The following CA3 variants were observed in gnomAD, a reference collection of about 807,000 sequenced individuals.
CA3 encodes carbonic anhydrase 3.
CA3 carries 30 observed loss-of-function variants against 35.7 expected under a neutral mutation model. That is an observed-to-expected ratio of 0.84 (90% confidence interval 0.63 to 1.14). The LOEUF (loss-of-function observed/expected upper bound fraction) is 1.14, where lower values mean the gene tolerates loss of function less well. Ranked by LOEUF, CA3 falls within the 50% of genes most tolerant of loss-of-function variation. The probability of loss-of-function intolerance (pLI) is 0.00; values close to 1 mark genes in which losing one functional copy is unlikely to be tolerated. For missense variants in CA3, 295 were observed against 328.5 expected (o/e 0.90, Z 0.79); for synonymous variants, 131 against 130.8 (o/e 1.00, Z -0.01).
Position 85,444,066 on chromosome 8 carries a change from C to A in CA3, c.384C>A (p.Asn128Lys). ...LHLVHWNPKY[N>K]TFKEALKQRD... Reference sequence around the variant, plus strand: ...TGGTTCACTGGAACCCGAAGTATAACACTTTTAAAGAAGCCCTGAAGCAGC... The same window carrying A: ...TGGTTCACTGGAACCCGAAGTATAAAACTTTTAAAGAAGCCCTGAAGCAGC... The change falls in exon 4 of 7, where the codon AAC becomes AAA. Residue 128 changes from asparagine to lysine, a missense_variant. By Grantham distance (94) the Asn-to-Lys change is moderately conservative. Transcript: ENST00000285381. 4.3e-6 allele frequency: 7 copies of A among 1,613,668 alleles called. No individual in the cohort carries two copies. The highest frequency in any genetic ancestry group is 5.9e-6 in the Non-Finnish European group (7 of 1,179,566).
intron 4 of CA3, 96 bp from the exon 5 acceptor site, chr8:85,445,060 A>T (rs1415396884): frequency 1.4e-6 from 1 of 701,434 alleles, no homozygotes; most frequent in Non-Finnish European, 2.5e-6. Flanking sequence ...ATTTATAAAC[A>T]CTAGTTGCAG....
At chr8:85,443,964 T>C (rs1811241790) in intron 3 of CA3, 70 bp from the exon 4 acceptor site, 1 of 1,062,288 alleles carries the variant, frequency 9.4e-7, no homozygotes, top group Non-Finnish European at 1.5e-6. Flanking sequence ...ATTGGGTTTA[T>C]TGTGGATAAT....
intron 2 of CA3, among the ~76,000 whole-genome samples, chr8:85,441,365 A>G (rs924477707): frequency 2.0e-5 from 3 of 152,180 alleles, no homozygotes. Context: ...TTAATCATCC[A>G]CATTGATTGG....
intron 1 of CA3, 144 bp downstream of exon 1, chr8:85,439,087 C>A: frequency 2.6e-6 from 2 of 768,452 alleles, no homozygotes; most frequent in Non-Finnish European, 4.2e-6. Flanking sequence ...GGCTTTTCAA[C>A]TGCCAAATGC....
chr8:85,442,528 T>C, intron 3 of CA3: 1 of 213,840 alleles, frequency 4.7e-6, no homozygotes, highest in Non-Finnish European at 9.6e-6. Context: ...GCCTGGGCAA[T>C]ATGGTGAAAC....
chr8:85,439,073 C>T, intron 1 of CA3, 130 bp downstream of exon 1: 1 of 907,270 alleles, frequency 1.1e-6, no homozygotes, highest in Non-Finnish European at 1.7e-6. Flanking sequence ...CTAACATTTA[C>T]TGAGGCTTTT....
intron 5 of CA3, among the ~76,000 whole-genome samples, 187 bp from the exon 6 acceptor site, chr8:85,445,955 A>G (rs967903248): frequency 1.3e-5 from 2 of 152,256 alleles, no homozygotes; most frequent in Middle Eastern, 3.2e-3. Context: ...TGTCAGATCA[A>G]GTAATAATGT....
Position 85,448,151 on chromosome 8 carries a change from T to C in CA3, c.781T>C (p.Ter261ArgextTer37). ...CAGGGTGGTGAGAGCTTCCTTCAAA[T>C]GAGGCTGCTGGATCTTGCCCTCTTC... ...NNRVVRASFK* is the reference protein window; with the variant it reads ...NNRVVRASFKR Residue 261 changes from the stop codon to arginine (R), a stop_lost, in exon 7 of 7, where the codon TGA becomes CGA. Coordinates refer to ENST00000285381, the MANE Select transcript of CA3 (RefSeq NM_005181.4). 1 of 1,612,038 alleles carries C rather than the reference T, an allele frequency of 6.2e-7. No individual in the cohort carries two copies. Among genetic ancestry groups the C allele is most frequent in the Non-Finnish European group, 8.5e-7 (1 of 1,179,086 alleles).
At chr8:85,444,283 C>A (rs1022471309) in intron 4 of CA3, among the ~76,000 whole-genome samples, 157 bp downstream of exon 4, 1 of 152,158 alleles carries the variant, frequency 6.6e-6, no homozygotes, top group Non-Finnish European at 1.5e-5. Flanking sequence ...AAGATCAGCT[C>A]AAAATGTCTT....
intron 6 of CA3, among the ~76,000 whole-genome samples, chr8:85,446,513 G>A (rs1811294010): frequency 6.6e-6 from 1 of 152,156 alleles, no homozygotes; most frequent in African/African-American, 2.4e-5. Context: ...TCATTTAAAA[G>A]TAGTTTTGAT....
rs775316155 is a variant in CA3 at position 85,439,764 on chromosome 8, G to A, written c.87G>A (p.Ser29=). The A allele has an allele frequency of 4.3e-6, 7 of 1,613,790 alleles. No individual in the cohort carries two copies. Among genetic ancestry groups the A allele is most frequent in the Middle Eastern group, 1.6e-4 (1 of 6,080 alleles). ...CAAATGCCAAGGGGGAAAACCAGTCGCCCGTTGAGCTGCATACTAAAGACA... is the reference window on the plus strand; with the variant it reads ...CAAATGCCAAGGGGGAAAACCAGTCACCCGTTGAGCTGCATACTAAAGACA... The part of the protein sequence containing the change: ...LFPNAKGENQ[S]PVELHTKDIR... The change falls in exon 2 of 7, where the codon TCG becomes TCA. Residue 29 remains serine (S), a synonymous_variant. Coordinates refer to ENST00000285381, the MANE Select transcript of CA3 (RefSeq NM_005181.4).
intron 3 of CA3, among the ~76,000 whole-genome samples, chr8:85,443,763 G>A (rs1280204629): frequency 6.6e-6 from 1 of 152,130 alleles, no homozygotes; most frequent in Non-Finnish European, 1.5e-5. Context: ...TAACCTAACT[G>A]GTGCTCATGT....
Position 85,442,192 on chromosome 8 carries a change from G to T in CA3, c.351+1G>T, listed in dbSNP as rs761787924. 9.4e-6 allele frequency: 14 copies of T among 1,489,602 alleles called. No homozygotes were observed. Among genetic ancestry groups the T allele is most frequent in the Non-Finnish European group, 1.3e-5 (14 of 1,066,164 alleles). 92.3% of individuals were successfully genotyped at this position (1,489,602 alleles called of 1,614,324 possible). On this transcript the variant is annotated splice_donor_variant, in intron 3 of 6. Coordinates refer to ENST00000285381, the MANE Select transcript of CA3 (RefSeq NM_005181.4). LOFTEE classifies it high-confidence loss of function. ...GGATGGAGTCAAGTATGCAGCGGAGGTAAGAGGAACTGCCATAATCCATTC... is the reference window on the plus strand; with the variant it reads ...GGATGGAGTCAAGTATGCAGCGGAGTTAAGAGGAACTGCCATAATCCATTC...
intron 6 of CA3, among the ~76,000 whole-genome samples, chr8:85,447,232 C>A (rs552885655): frequency 5.4e-4 from 82 of 151,078 alleles, no homozygotes; most frequent in Middle Eastern, 6.8e-3. Context: ...TTCTTATTTT[C>A]TTATCCTTTA....
At chr8:85,439,014 A>T in intron 1 of CA3, 71 bp downstream of exon 1, 1 of 1,479,128 alleles carries the variant, frequency 6.8e-7, no homozygotes. Context: ...TTGCACAGAA[A>T]TGGGCAACTT....
At chr8:85,442,012 A>T in intron 2 of CA3, 61 bp from the exon 3 acceptor site, 1 of 895,636 alleles carries the variant, frequency 1.1e-6, no homozygotes, top group Non-Finnish European at 1.9e-6. Flanking sequence ...GCACTTGGTT[A>T]AAGTAGAGCT....
chr8:85,447,886 G>A (rs777290669), intron 6 of CA3, 148 bp from the exon 7 acceptor site: 26 of 693,608 alleles, frequency 3.7e-5, no homozygotes, highest in Admixed American at 9.5e-5. Flanking sequence ...GCTACAGAGC[G>A]AGACTCTGTC....
At chr8:85,445,292 T>A in intron 5 of CA3, 74 bp downstream of exon 5, 2 of 956,998 alleles carry the variant, frequency 2.1e-6, no homozygotes, top group Middle Eastern at 2.2e-4. Context: ...TTTCAAGTAT[T>A]TTTTTCACCT....
Position 85,439,782 on chromosome 8 carries a change from T to C in CA3, c.105T>C (p.Thr35=). The C allele has an allele frequency of 6.2e-7, 1 of 1,614,026 alleles. No individual in the cohort carries two copies. Among genetic ancestry groups the C allele is most frequent in the South Asian group, 1.1e-5 (1 of 91,080 alleles). ...ACCAGTCGCCCGTTGAGCTGCATAC[T>C]AAAGACATCAGGCATGACCCTTCTC... The part of the protein sequence containing the change: ...GENQSPVELH[T]KDIRHDPSLQ... Residue 35 remains threonine, a synonymous_variant, in exon 2 of 7, where the codon ACT becomes ACC. Coordinates refer to ENST00000285381, the MANE Select transcript of CA3 (RefSeq NM_005181.4).
Sources: gnomAD v4.1 joint callset for allele counts (sites outside exome capture counted in the v4.1 genomes callset) on GRCh38, gnomAD v4.1.1 for gene constraint, MANE v1.5 for transcripts, NCBI Gene and HGNC (gene_info 2026-07-23, HGNC 2026-07-21) for gene names.